The following MARCHF6 variants were observed in gnomAD, a reference collection of about 807,000 sequenced individuals.
MARCHF6 encodes membrane associated ring-CH-type finger 6.
A neutral mutation model predicts 133.7 loss-of-function variants in MARCHF6; 31 were observed. The ratio of observed to expected loss-of-function variants is 0.23; its 90% CI spans 0.17 to 0.31. The LOEUF is 0.31. Among genes scored for constraint, MARCHF6 ranks in the 10% least tolerant of loss-of-function variants. The pLI is 1.00. For synonymous variants in MARCHF6, 395 were observed against 402.5 expected (o/e 0.98, Z 0.22); for missense variants, 723 against 1,121.6 (o/e 0.64, Z 5.08).
intron 15 of MARCHF6, among the ~76,000 whole-genome samples, chr5:10,403,965 G>A (rs147062469): frequency 6.6e-6 from 1 of 151,972 alleles, no homozygotes; most frequent in Non-Finnish European, 1.5e-5. Flanking sequence ...TTTGATTTAG[G>A]CGCCTTAAGT....
Position 10,406,029 on chromosome 5 carries a change from C to T in MARCHF6, c.1452+352C>T, listed in dbSNP as rs143854869. Among the ~76,000 whole-genome samples, 35 of 152,308 alleles carry T rather than the reference C, an allele frequency of 2.3e-4. No individual in the cohort carries two copies. The East Asian group carries it at 6.4e-3, about 28-fold the overall frequency. ...AGCAAGCATTACCACCTGAGCTCCA[C>T]CTCCTGTCAGATCAGCCTTGGCGTT... On this transcript the variant is annotated intron_variant, in intron 16 of 25. Coordinates refer to ENST00000274140, the MANE Select transcript of MARCHF6 (RefSeq NM_005885.4).
chr5:10,356,348 T>TG (rs2126629684), intron 1 of MARCHF6, among the ~76,000 whole-genome samples: 3 of 91,352 alleles, frequency 3.3e-5, no homozygotes, highest in South Asian at 3.6e-4. Flanking sequence ...TTTTTATTTA[T>TG]TTTATTTTAT....
chr5:10,375,173 G>A (rs1032308243), intron 1 of MARCHF6, among the ~76,000 whole-genome samples: 8 of 152,224 alleles, frequency 5.3e-5, no homozygotes, highest in Admixed American at 1.3e-4. Context: ...AGGCGCGAGC[G>A]GGAACTGGGG....
chr5:10,363,357 G>A (rs751023219), intron 1 of MARCHF6, among the ~76,000 whole-genome samples: 57 of 152,156 alleles, frequency 3.7e-4, no homozygotes, highest in Non-Finnish European at 6.9e-4. Flanking sequence ...CCAAAGATTT[G>A]TATAGACACT....
intron 1 of MARCHF6, among the ~76,000 whole-genome samples, chr5:10,362,037 A>G (rs2126646305): frequency 6.6e-6 from 1 of 152,286 alleles, no homozygotes; most frequent in East Asian, 1.9e-4. Context: ...TGCTGGGATT[A>G]CAGGTGTGAG....
chr5:10,376,821 A>T (rs1736812140), intron 1 of MARCHF6, among the ~76,000 whole-genome samples: 3 of 152,188 alleles, frequency 2.0e-5, no homozygotes, highest in Non-Finnish European at 4.4e-5. Context: ...GAGACCCGTT[A>T]AGTGCATTAG....
intron 24 of MARCHF6, 126 bp downstream of exon 24, chr5:10,426,648 C>A: frequency 1.9e-6 from 2 of 1,040,814 alleles, no homozygotes; most frequent in Non-Finnish European, 2.8e-6. Flanking sequence ...CCAGCTAAGA[C>A]AATGATTTCA....
At chr5:10,364,809 A>G (rs1304671821) in intron 1 of MARCHF6, among the ~76,000 whole-genome samples, 5 of 151,970 alleles carry the variant, frequency 3.3e-5, no homozygotes, top group Non-Finnish European at 5.9e-5. Context: ...CTTCTTCTTT[A>G]TTTTTATTTT....
intron 18 of MARCHF6, among the ~76,000 whole-genome samples, chr5:10,410,672 T>G (rs1739176140): frequency 6.6e-6 from 1 of 152,182 alleles, no homozygotes; most frequent in Non-Finnish European, 1.5e-5. Context: ...GTGAACATGT[T>G]GCATTTTTTT....
chr5:10,402,466 T>C lies in MARCHF6; in HGVS notation c.1122+14T>C. 6.2e-7 allele frequency: 1 copy of C among 1,613,510 alleles called. No homozygotes were observed. Among genetic ancestry groups the C allele is most frequent in the Non-Finnish European group, 8.5e-7 (1 of 1,179,472 alleles). On this transcript the variant is annotated intron_variant, in intron 13 of 25. Transcript: ENST00000274140. ...ATTGTTGTTAAGGTAATTCCTGTTA[T>C]AACTTAAAATTGGAAATGATTTCTC...
At chr5:10,353,988 G>C in intron 1 of MARCHF6, 71 bp downstream of exon 1, 1 of 1,465,002 alleles carries the variant, frequency 6.8e-7, no homozygotes, top group Non-Finnish European at 9.1e-7. Context: ...CAGGTCCGCG[G>C]CGCTCGAGGT....
At chr5:10,398,711 A>G (rs78435566) in intron 10 of MARCHF6, among the ~76,000 whole-genome samples, 12,446 of 152,036 alleles carry the variant, frequency 0.082, 672 homozygotes, top group Non-Finnish European at 0.12. Flanking sequence ...ACAAATAAGA[A>G]CTCTGATTTA....
rs1185289795 is a variant in MARCHF6 at position 10,405,693 on chromosome 5, C to T, written c.1452+16C>T. 3.2e-6 allele frequency: 5 copies of T among 1,561,182 alleles called. No individual in the cohort carries two copies. Among genetic ancestry groups the T allele is most frequent in the Admixed American group, 2.1e-5 (1 of 46,692 alleles). ...TTTGTCAGTGGTAAGAAGATGTTTC[C>T]ATTGTTTTTTTTTTTTGAATTAATT... On this transcript the variant is annotated intron_variant, in intron 16 of 25. Transcript: ENST00000274140.
Position 10,402,620 on chromosome 5 carries a change from T to G in MARCHF6, c.1197+13T>G, listed in dbSNP as rs369525404. 3.9e-5 allele frequency: 62 copies of G among 1,597,888 alleles called. No individual in the cohort carries two copies. Among genetic ancestry groups the G allele is most frequent in the Non-Finnish European group, 5.1e-5 (60 of 1,165,602 alleles). On this transcript the variant is annotated intron_variant, in intron 14 of 25. Coordinates refer to ENST00000274140, the MANE Select transcript of MARCHF6 (RefSeq NM_005885.4). The stretch of plus-strand genomic sequence containing the variant: ...TATCTGTTCCTTGGTAAGTTGAGTA[T>G]TCATTATTGTATAATAGCATAATTT...
At chr5:10,355,745 A>G (rs1044834038) in intron 1 of MARCHF6, among the ~76,000 whole-genome samples, 1 of 152,198 alleles carries the variant, frequency 6.6e-6, no homozygotes, top group Non-Finnish European at 1.5e-5. Context: ...GAGGAAACTG[A>G]TGGTTAGTAT....
intron 22 of MARCHF6, among the ~76,000 whole-genome samples, chr5:10,417,717 CAA>C (rs748194332): frequency 1.1e-4 from 6 of 52,520 alleles, no homozygotes; most frequent in Non-Finnish European, 1.5e-4. Flanking sequence ...AGCCTCTGTC[CAA>C]AAAAAAAAAA....
At chr5:10,390,658 A>T (rs969413473) in intron 6 of MARCHF6, among the ~76,000 whole-genome samples, 158 bp downstream of exon 6, 3 of 152,192 alleles carry the variant, frequency 2.0e-5, no homozygotes, top group Non-Finnish European at 2.9e-5. Context: ...ATGAAGAGAG[A>T]TGTGAAAAAT....
intron 10 of MARCHF6, among the ~76,000 whole-genome samples, chr5:10,399,331 T>C (rs1738379027): frequency 6.6e-6 from 1 of 151,898 alleles, no homozygotes; most frequent in African/African-American, 2.4e-5. Context: ...TAAATAAATT[T>C]AAATATATTG....
intron 3 of MARCHF6, among the ~76,000 whole-genome samples, chr5:10,380,064 G>A (rs1282002897): frequency 6.6e-6 from 1 of 152,020 alleles, no homozygotes; most frequent in Admixed American, 6.6e-5. Flanking sequence ...GTAGAGGACT[G>A]TGCTGGCAAG....
Sources: allele counts gnomAD v4.1 joint callset (sites outside exome capture counted in the v4.1 genomes callset), GRCh38; gene constraint gnomAD v4.1.1; transcripts MANE v1.5; gene names NCBI Gene and HGNC (gene_info 2026-07-23, HGNC 2026-07-21).